Variants in SRRM1 observed in about 807,000 individuals in gnomAD.
SRRM1 encodes the protein serine/arginine repetitive matrix protein 1.
In SRRM1, 19 loss-of-function variants were observed where a neutral mutation model predicts 110.2. That is an observed-to-expected ratio of 0.17 (90% CI 0.12 to 0.25). SRRM1 has a LOEUF of 0.25. SRRM1 is among the 10% of genes least tolerant of loss of function. The probability of loss-of-function intolerance (pLI) is 1.00; values close to 1 mark genes in which losing one functional copy is unlikely to be tolerated. For missense variants in SRRM1, 918 were observed against 1,145.8 expected, an observed-to-expected ratio of 0.80 and a Z score of 2.87; for synonymous variants, 443 against 414.9, an observed-to-expected ratio of 1.07 and a Z score of -0.82.
chr1:24,650,190 TC>T (rs1570722038), intron 5 of SRRM1, 104 bp downstream of exon 5: 1 of 1,167,196 alleles, frequency 8.6e-7, no homozygotes, highest in Non-Finnish European at 1.1e-6. Context: ...AGGAATTTGT[TC>T]CATCATGCAG....
At position 24,651,502 on chromosome 1, in the gene SRRM1, C is replaced by G. The variant is rs1459375464; in HGVS notation, c.615C>G (p.Thr205=). The stretch of plus-strand genomic sequence containing the variant: ...ATTCTCGATCTCCCCGTCACAGAAC[C>G]AAGAGCCGGAGTCCTTCCCCTGCTC... ...RSHSRSPRHR[T]KSRSPSPAPE... is the part of the protein sequence containing the mutation. Residue 205 remains threonine, a synonymous_variant, in exon 6 of 17, where the codon ACC becomes ACG. Transcript: ENST00000323848. The G allele has an allele frequency of 1.9e-6, 3 of 1,614,012 alleles. No individual in the cohort carries two copies. The Admixed American group carries it at 5.0e-5, about 27-fold the overall frequency.
intron 9 of SRRM1, among the ~76,000 whole-genome samples, chr1:24,655,827 A>G (rs1663752149): frequency 6.6e-6 from 1 of 152,240 alleles, no homozygotes; most frequent in African/African-American, 2.4e-5. Flanking sequence ...GGAATGATAT[A>G]CAGCCTAAAA....
rs1019392463 is a variant in SRRM1 at position 24,669,681 on chromosome 1, T to C, written c.2204+94T>C. 3.0e-6 allele frequency: 3 copies of C among 994,412 alleles called. No homozygotes were observed. In the Admixed American group the frequency reaches 8.6e-5, roughly 28 times the overall value. 61.6% of individuals were successfully genotyped at this position (994,412 alleles called of 1,614,324 possible). ...ACCCCCATATAAAAGGAATAAGTTA[T>C]GAATATGAGCTTTTAAGTCAAACTT... is the stretch of plus-strand genomic sequence containing the variant. On this transcript the variant is annotated intron_variant, in intron 14 of 16. Transcript: ENST00000323848.
chr1:24,662,581 C>A, intron 11 of SRRM1, 79 bp from the exon 12 acceptor site: 3 of 1,466,186 alleles, frequency 2.0e-6, no homozygotes, highest in Non-Finnish European at 2.8e-6. Flanking sequence ...GTGAACACTC[C>A]ATCCACCTAG....
At chr1:24,652,400 G>GC in intron 6 of SRRM1, 34 bp from the exon 7 acceptor site, 1 of 1,175,630 alleles carries the variant, frequency 8.5e-7, no homozygotes, top group Non-Finnish European at 1.2e-6. Flanking sequence ...GTACAAGAAG[G>GC]CAAAAAAAAA....
Position 24,655,056 on chromosome 1 carries a change from C to T in SRRM1, c.1242C>T (p.Ser414=). 1 of 1,614,218 alleles carries T rather than the reference C, an allele frequency of 6.2e-7. No individual in the cohort carries two copies. Among genetic ancestry groups the T allele is most frequent in the Non-Finnish European group, 8.5e-7 (1 of 1,180,046 alleles). The change falls in exon 9 of 17, where the codon TCC becomes TCT. Residue 414 remains serine, a synonymous_variant. Transcript: ENST00000323848. ...CTCCACCACCCAAAACTCGGCATTCCCCTACACCCCAGCAGTCAAACCGTA... is the reference window on the plus strand; with the variant it reads ...CTCCACCACCCAAAACTCGGCATTCTCCTACACCCCAGCAGTCAAACCGTA... ...PATPPPKTRH[S]PTPQQSNRTR...
chr1:24,653,318 T>C (rs1411490056), intron 8 of SRRM1, among the ~76,000 whole-genome samples: 1 of 152,180 alleles, frequency 6.6e-6, no homozygotes, highest in Admixed American at 6.5e-5. Context: ...AGTAAGAGAA[T>C]TGGCCACCTT....
intron 8 of SRRM1, chr1:24,654,419 A>G: frequency 8.9e-7 from 1 of 1,125,402 alleles, no homozygotes; most frequent in Non-Finnish European, 1.2e-6. Context: ...AAGTTTATGT[A>G]GCTAAATGAA....
intron 13 of SRRM1, 78 bp downstream of exon 13, chr1:24,667,003 T>A: frequency 1.2e-6 from 1 of 850,786 alleles, no homozygotes; most frequent in Non-Finnish European, 1.8e-6. Flanking sequence ...GTAATGGTGC[T>A]CACTTCCTAA....
At position 24,663,802 on chromosome 1, in the gene SRRM1, A is replaced by G. The variant is rs534213640; in HGVS notation, c.1628+998A>G. Among the ~76,000 whole-genome samples, 72 of 151,116 alleles carry G rather than the reference A, an allele frequency of 4.8e-4. No homozygotes were observed. In the South Asian group the frequency reaches 8.6e-3, roughly 18 times the overall value. ...TGAGGCAGGAGAATCGCTTGAACCC[A>G]GGAGGCGGAGGTTGCAATGAGCTGA... On this transcript the variant is annotated intron_variant, in intron 12 of 16. Coordinates refer to ENST00000323848, the MANE Select transcript of SRRM1 (RefSeq NM_005839.4).
At position 24,670,178 on chromosome 1, in the gene SRRM1, G is replaced by C. The variant is rs149380642; in HGVS notation, c.2263G>C (p.Gly755Arg). 3.1e-6 allele frequency: 5 copies of C among 1,613,650 alleles called. No homozygotes were observed. In the East Asian group the frequency reaches 1.1e-4, roughly 36 times the overall value. ...GGTCTCATCCTCCCGATCTGTCTCCGGGTCTCCTGAGCCAGCAGCTAAAAA... is the reference window on the plus strand; with the variant it reads ...GGTCTCATCCTCCCGATCTGTCTCCCGGTCTCCTGAGCCAGCAGCTAAAAA... ...RRVSSSRSVS[G>R]SPEPAAKKPP... is the part of the protein sequence containing the mutation. Residue 755 changes from glycine to arginine, a missense_variant, in exon 15 of 17, where the codon GGG (glycine) becomes CGG (arginine). This residue lies in a region of SRRM1 where 357 missense variants were observed against 402.9 expected (regional missense o/e 0.89). Transcript: ENST00000323848.
At chr1:24,655,860 G>A (rs913902653) in intron 9 of SRRM1, among the ~76,000 whole-genome samples, 2 of 152,160 alleles carry the variant, frequency 1.3e-5, no homozygotes, top group African/African-American at 4.8e-5. Context: ...GGGATGGGGA[G>A]GATCTTAAAA....
At position 24,652,910 on chromosome 1, in the gene SRRM1, C is replaced by T. The variant is rs771162110; in HGVS notation, c.921-3C>T. On this transcript the variant is annotated splice_polypyrimidine_tract_variant and splice_region_variant and intron_variant, in intron 7 of 16. Transcript: ENST00000323848. ...CAGGACCTAATTCTCTTTGTTATGG[C>T]AGATCGTATTCACCTAGAAGGCGGC... The T allele has an allele frequency of 3.1e-6, 5 of 1,613,012 alleles. No homozygotes were observed. The African/African-American group carries it at 6.7e-5, about 22-fold the overall frequency.
chr1:24,659,206 AAG>A lies in SRRM1; in HGVS notation c.1316-1505_1316-1504del, dbSNP rs529399447. On this transcript the variant is annotated intron_variant, in intron 9 of 16. Coordinates refer to ENST00000323848, the MANE Select transcript of SRRM1 (RefSeq NM_005839.4). ...CGAAACTCTGTCTCAAAAAAAAAAA[AAG>A]AGAGAGAAAGGGAAAAGTCTGTTCA... Among the ~76,000 whole-genome samples, 32 of 152,102 alleles carry A rather than the reference AAG, an allele frequency of 2.1e-4. No individual in the cohort carries two copies. In the South Asian group the frequency reaches 2.3e-3, roughly 11 times the overall value.
chr1:24,646,598 A>C lies in SRRM1; in HGVS notation c.112-69A>C, dbSNP rs900639410. ...TAAGCTAAAAGGAACTTTGGTAGAC[A>C]GAACTCTAACTTGAGCATTTTTTTT... On this transcript the variant is annotated intron_variant, in intron 2 of 16. Transcript: ENST00000323848. The C allele has an allele frequency of 5.8e-6, 8 of 1,381,456 alleles. No individual in the cohort carries two copies. In the East Asian group the frequency reaches 1.7e-4, roughly 30 times the overall value. The allele number at this position is 1,381,456 out of a possible 1,614,324, so 85.6% of individuals were successfully genotyped here.
intron 8 of SRRM1, among the ~76,000 whole-genome samples, chr1:24,653,699 A>G (rs1472324995): frequency 6.6e-6 from 1 of 152,176 alleles, no homozygotes; most frequent in East Asian, 1.9e-4. Context: ...ATATCACTTT[A>G]AACAAAAATT....
Position 24,652,904 on chromosome 1 carries a change from T to C in SRRM1, c.921-9T>C. 6.2e-7 allele frequency: 1 copy of C among 1,613,102 alleles called. No individual in the cohort carries two copies. The highest frequency in any genetic ancestry group is 8.5e-7 in the Non-Finnish European group (1 of 1,179,630). On this transcript the variant is annotated splice_polypyrimidine_tract_variant and intron_variant, in intron 7 of 16. Transcript: ENST00000323848. ...TTTATTCAGGACCTAATTCTCTTTGTTATGGCAGATCGTATTCACCTAGAA... is the reference window on the plus strand; with the variant it reads ...TTTATTCAGGACCTAATTCTCTTTGCTATGGCAGATCGTATTCACCTAGAA...
At position 24,673,176 on chromosome 1, in the gene SRRM1, T is replaced by C. The variant is rs533206224; in HGVS notation, c.*890T>C. 297 of 114,620 alleles carry C rather than the reference T, an allele frequency of 2.6e-3. No individual in the cohort carries two copies. The highest frequency in any genetic ancestry group is 9.3e-3 in the African/African-American group (287 of 30,902). The allele number at this position is 114,620 out of a possible 1,614,324, so 7.1% of individuals were successfully genotyped here. On this transcript the variant is annotated 3_prime_UTR_variant, in exon 17 of 17. Coordinates refer to ENST00000323848, the MANE Select transcript of SRRM1 (RefSeq NM_005839.4). ...GGAATAGTGTCTTGGTTTCACTGTT[T>C]TTGTTTTGATTTTTTTTTTGTTTTG...
At chr1:24,658,013 C>G (rs555464626) in intron 9 of SRRM1, among the ~76,000 whole-genome samples, 1 of 152,150 alleles carries the variant, frequency 6.6e-6, no homozygotes, top group East Asian at 1.9e-4. Context: ...AAGTTGCCTT[C>G]TACGATTTCT....
Sources: allele counts gnomAD v4.1 joint callset (sites outside exome capture counted in the v4.1 genomes callset), GRCh38; gene constraint gnomAD v4.1.1; regional missense constraint gnomAD v4.1.1; transcripts MANE v1.5; gene names NCBI Gene and HGNC (gene_info 2026-07-23, HGNC 2026-07-21).